Variants in NFIA observed in about 807,000 individuals in gnomAD.
NFIA encodes the protein nuclear factor I A, also known as nuclear factor 1 A-type.
Under a neutral mutation model 62.8 loss-of-function variants are expected in NFIA, and 8 were observed. The ratio of observed to expected loss-of-function variants is 0.13; its 90% CI spans 0.07 to 0.23. The LOEUF is 0.23. Ranked by LOEUF, NFIA falls within the 10% of genes least tolerant of loss-of-function variation. The pLI, the probability that NFIA is intolerant of heterozygous loss-of-function variation, is 1.00. For missense variants in NFIA, 410 were observed against 642.1 expected (o/e 0.64, Z 3.91); for synonymous variants, 235 against 238.1 (o/e 0.99, Z 0.12).
chr1:61,139,737 A>G (rs1647357305), intron 2 of NFIA, among the ~76,000 whole-genome samples: 1 of 152,092 alleles, frequency 6.6e-6, no homozygotes, highest in African/African-American at 2.4e-5. Flanking sequence ...ACCCCGACAG[A>G]TGTATTCCCA....
At chr1:61,260,624 A>G (rs1656704279) in intron 2 of NFIA, among the ~76,000 whole-genome samples, 1 of 152,218 alleles carries the variant, frequency 6.6e-6, no homozygotes. Flanking sequence ...TCTGTCGCCC[A>G]GGCTGGAGTG....
At chr1:61,347,299 G>A (rs573827960) in intron 4 of NFIA, among the ~76,000 whole-genome samples, 4 of 146,030 alleles carry the variant, frequency 2.7e-5, no homozygotes, top group South Asian at 4.5e-4. Context: ...TCAGCCTCCC[G>A]AGTAGCTGGG....
At chr1:61,138,243 A>G (rs1201137487) in intron 2 of NFIA, among the ~76,000 whole-genome samples, 4 of 151,922 alleles carry the variant, frequency 2.6e-5, no homozygotes, top group African/African-American at 9.7e-5. Context: ...CTACAGGCAC[A>G]CGCCACCACG....
At chr1:61,170,057 ATT>A (rs1649849360) in intron 2 of NFIA, among the ~76,000 whole-genome samples, 1 of 152,154 alleles carries the variant, frequency 6.6e-6, no homozygotes, top group Non-Finnish European at 1.5e-5. Context: ...GGCATGGTAA[ATT>A]AGCACAGGTC....
At chr1:61,373,942 A>G (rs567335282) in intron 6 of NFIA, among the ~76,000 whole-genome samples, 1 of 152,346 alleles carries the variant, frequency 6.6e-6, no homozygotes, top group African/African-American at 2.4e-5. Context: ...CTGCAGTGAT[A>G]GAGATGTTCT....
At chr1:61,215,204 G>A (rs1168352938) in intron 2 of NFIA, among the ~76,000 whole-genome samples, 1 of 152,078 alleles carries the variant, frequency 6.6e-6, no homozygotes, top group Non-Finnish European at 1.5e-5. Context: ...TTGTCGAACT[G>A]CTCAAAATGA....
At chr1:61,126,862 G>A (rs1013749407) in intron 2 of NFIA, among the ~76,000 whole-genome samples, 1 of 136,758 alleles carries the variant, frequency 7.3e-6, no homozygotes, top group Non-Finnish European at 1.5e-5. Flanking sequence ...TTGGCTCACT[G>A]CAACCTCCAC....
At chr1:61,177,841 A>G (rs770856278) in intron 2 of NFIA, among the ~76,000 whole-genome samples, 1 of 152,132 alleles carries the variant, frequency 6.6e-6, no homozygotes, top group Non-Finnish European at 1.5e-5. Context: ...GACATTTGCA[A>G]ACTTTATTTT....
chr1:61,165,457 T>G (rs1649504434), intron 2 of NFIA, among the ~76,000 whole-genome samples: 1 of 152,218 alleles, frequency 6.6e-6, no homozygotes. Flanking sequence ...CACGTATGTA[T>G]TTAGTTAACT....
intron 4 of NFIA, among the ~76,000 whole-genome samples, chr1:61,343,330 A>T (rs372260052): frequency 8.7e-4 from 132 of 152,274 alleles, no homozygotes; most frequent in African/African-American, 2.9e-3. Flanking sequence ...GTATCGGTTA[A>T]TTTTTCCTAT....
At chr1:61,277,886 AT>A (rs949847760) in intron 3 of NFIA, among the ~76,000 whole-genome samples, 60 of 151,728 alleles carry the variant, frequency 4.0e-4, no homozygotes, top group African/African-American at 1.2e-3. Flanking sequence ...ACCAAATCAG[AT>A]TTTTTTTTAA....
intron 2 of NFIA, among the ~76,000 whole-genome samples, chr1:61,149,038 C>G (rs1194062392): frequency 7.2e-6 from 1 of 139,674 alleles, no homozygotes; most frequent in Non-Finnish European, 1.5e-5. Flanking sequence ...TAATTTCTTT[C>G]TTTTCTTTTT....
At chr1:61,120,303 CAT>C (rs1384625390) in intron 2 of NFIA, among the ~76,000 whole-genome samples, 1 of 152,180 alleles carries the variant, frequency 6.6e-6, no homozygotes, top group Non-Finnish European at 1.5e-5. Flanking sequence ...GAGCCACTCA[CAT>C]AAGCTTACTA....
intron 6 of NFIA, among the ~76,000 whole-genome samples, chr1:61,378,572 C>T (rs566036560): frequency 6.6e-6 from 1 of 152,230 alleles, no homozygotes; most frequent in East Asian, 1.9e-4. Flanking sequence ...TACTGCAGAA[C>T]AAATTTTCAC....
chr1:61,165,224 C>T (rs573377554), intron 2 of NFIA, among the ~76,000 whole-genome samples: 34 of 152,252 alleles, frequency 2.2e-4, no homozygotes, highest in African/African-American at 7.9e-4. Context: ...GGATAAACTA[C>T]ACTTCCCTTT....
intron 2 of NFIA, among the ~76,000 whole-genome samples, chr1:61,185,956 A>C (rs1411273609): frequency 6.6e-6 from 1 of 152,188 alleles, no homozygotes; most frequent in Non-Finnish European, 1.5e-5. Context: ...TCAGTCCCAC[A>C]AGGATGCAAA....
intron 3 of NFIA, among the ~76,000 whole-genome samples, chr1:61,281,621 G>A (rs1287396657): frequency 6.6e-6 from 1 of 152,132 alleles, no homozygotes; most frequent in African/African-American, 2.4e-5. Flanking sequence ...ATGAGTTTGA[G>A]AACCAGGGAA....
intron 3 of NFIA, among the ~76,000 whole-genome samples, chr1:61,327,007 A>C (rs1186988659): frequency 1.3e-5 from 2 of 148,878 alleles, no homozygotes; most frequent in Admixed American, 1.4e-4. Flanking sequence ...GGGCTCTTGC[A>C]AGCATTCTTT....
At chr1:61,145,793 T>G (rs1391594962) in intron 2 of NFIA, among the ~76,000 whole-genome samples, 5 of 152,156 alleles carry the variant, frequency 3.3e-5, no homozygotes, top group Non-Finnish European at 7.3e-5. Context: ...TTGGTGAGGT[T>G]TAACTCTTCA....
Sources: gnomAD v4.1 joint callset for allele counts (sites outside exome capture counted in the v4.1 genomes callset) on GRCh38, gnomAD v4.1.1 for gene constraint, MANE v1.5 for transcripts, NCBI Gene and HGNC (gene_info 2026-07-23, HGNC 2026-07-21) for gene names.